The following ARHGEF6 variants were observed in gnomAD, a reference collection of about 807,000 sequenced individuals.
ARHGEF6 encodes the protein Rac/Cdc42 guanine nucleotide exchange factor 6, also known as rho guanine nucleotide exchange factor 6.
A neutral mutation model predicts 70.3 loss-of-function variants in ARHGEF6; 9 were observed. That is an observed-to-expected ratio of 0.13 (90% CI 0.08 to 0.22). ARHGEF6 has a LOEUF of 0.22. Among genes scored for constraint, ARHGEF6 ranks in the 10% least tolerant of loss-of-function variants. ARHGEF6 has a pLI of 1.00. For synonymous variants in ARHGEF6, 201 were observed against 207.8 expected (o/e 0.97, Z 0.28); for missense variants, 470 against 563.0 (o/e 0.83, Z 1.67).
In ARHGEF6 at chrX:136,708,769, G is replaced by T; in HGVS notation, c.829C>A (p.Leu277Met). 8.5e-7 allele frequency: 1 copy of T among 1,174,634 alleles called. No homozygotes were observed. The highest frequency in any genetic ancestry group is 1.8e-5 in the South Asian group (1 of 55,820). Residue 277 changes from leucine to methionine, a missense_variant and splice_region_variant, in exon 8 of 22, where the codon CTG becomes ATG. Physicochemically the swap from Leu to Met is conservative, Grantham distance 15. Coordinates refer to ENST00000250617, the MANE Select transcript of ARHGEF6 (RefSeq NM_004840.3). ...AAAGATGTAACCTCCACAGTACTCA[G>T]ACTGAAAAAAAAATACAGTACATGT... is the stretch of plus-strand genomic sequence containing the variant. ...YLRPLQSNNN[L>M]STVEVTSLLG...
At chrX:136,713,878 G>C (rs1454118511) in intron 6 of ARHGEF6, among the ~76,000 whole-genome samples, 2 of 112,078 alleles carry the variant, frequency 1.8e-5, no homozygotes, top group Non-Finnish European at 3.8e-5. Flanking sequence ...TTTTATGGAG[G>C]AGAAAATTGA....
intron 5 of ARHGEF6, among the ~76,000 whole-genome samples, chrX:136,736,201 C>T (rs1197348771): frequency 9.0e-6 from 1 of 111,439 alleles, no homozygotes; most frequent in African/African-American, 3.3e-5. Context: ...CATTATGTTG[C>T]CACTGTGCTA....
chrX:136,752,528 C>G (rs1213549192), intron 2 of ARHGEF6, among the ~76,000 whole-genome samples: 1 of 112,199 alleles, frequency 8.9e-6, no homozygotes, highest in Non-Finnish European at 1.9e-5. Flanking sequence ...CCTGAGTTAA[C>G]CAGTCACAGC....
intron 2 of ARHGEF6, among the ~76,000 whole-genome samples, chrX:136,778,246 T>C (rs990466505): frequency 2.7e-5 from 3 of 111,891 alleles, no homozygotes; most frequent in African/African-American, 9.8e-5. Flanking sequence ...TTAAGTAACA[T>C]GCCCAAGGTC....
intron 12 of ARHGEF6, among the ~76,000 whole-genome samples, chrX:136,684,634 T>C (rs956612805): frequency 9.0e-6 from 1 of 110,598 alleles, no homozygotes; most frequent in Non-Finnish European, 1.9e-5. Context: ...TCTCTGCCTC[T>C]AACTCTGACC....
chrX:136,761,594 C>T (rs1039012744), intron 2 of ARHGEF6, among the ~76,000 whole-genome samples: 3 of 112,493 alleles, frequency 2.7e-5, no homozygotes, highest in African/African-American at 6.4e-5. Flanking sequence ...GGATTAATTT[C>T]TGCTGTTAAG....
intron 2 of ARHGEF6, among the ~76,000 whole-genome samples, chrX:136,764,255 G>A (rs963727891): frequency 4.5e-5 from 5 of 111,484 alleles, no homozygotes; most frequent in Non-Finnish European, 9.4e-5. Flanking sequence ...ACCCTATGAC[G>A]TAGCAGTGAC....
chrX:136,727,407 CTCTCTCTT>C (rs1569411061), intron 6 of ARHGEF6, among the ~76,000 whole-genome samples: 17 of 89,562 alleles, frequency 1.9e-4, no homozygotes, highest in East Asian at 7.4e-4. Flanking sequence ...CTCTCTCTCT[CTCTCTCTT>C]TCTTTCTTTC....
In ARHGEF6 at chrX:136,682,988, A is replaced by G. The variant is rs2076348429; in HGVS notation, c.1393-144T>C. 1.4e-5 allele frequency: 7 copies of G among 486,264 alleles called. No individual in the cohort carries two copies. The South Asian group carries it at 2.3e-4, about 16-fold the overall frequency. 40.1% of individuals were successfully genotyped at this position (486,264 alleles called of 1,213,427 possible). On this transcript the variant is annotated intron_variant, in intron 12 of 21. Coordinates refer to ENST00000250617, the MANE Select transcript of ARHGEF6 (RefSeq NM_004840.3). ...AATTTTTTTTTTAAAAAAGATACCC[A>G]ACTTGAAAACACAAAACTAGTTGAA...
chrX:136,667,528 G>C lies in ARHGEF6; in HGVS notation c.*501C>G, dbSNP rs2076172919. ...CCATAGTCTGGAAGATTTGCCTTCG[G>C]TAAATTAAGTACTAAGAGGCTTGCA... On this transcript the variant is annotated 3_prime_UTR_variant, in exon 22 of 22. Transcript: ENST00000250617. The C allele has an allele frequency of 1.6e-5, 2 of 123,552 alleles. No individual in the cohort carries two copies. 10.2% of individuals were successfully genotyped at this position (123,552 alleles called of 1,213,427 possible). A position where few individuals can be genotyped will look rare whatever the true frequency, so the allele number is the denominator to read the frequency against.
At chrX:136,745,897 T>C (rs1435407717) in intron 3 of ARHGEF6, among the ~76,000 whole-genome samples, 1 of 111,772 alleles carries the variant, frequency 8.9e-6, no homozygotes, top group African/African-American at 3.3e-5. Flanking sequence ...ATAATTTTTT[T>C]AACAATCAGA....
chrX:136,686,005 G>A (rs1253367687), intron 11 of ARHGEF6, among the ~76,000 whole-genome samples, 182 bp from the exon 12 acceptor site: 1 of 112,032 alleles, frequency 8.9e-6, no homozygotes, highest in Non-Finnish European at 1.9e-5. Flanking sequence ...AAATCTCTAG[G>A]CTTGAGCCCC....
chrX:136,745,384 T>C (rs752185974), intron 3 of ARHGEF6, 37 bp from the exon 4 acceptor site: 17 of 1,205,663 alleles, frequency 1.4e-5, no homozygotes, highest in Non-Finnish European at 1.9e-5. Flanking sequence ...AAGGAACCAC[T>C]CAGATCAGAA....
At chrX:136,729,009 T>G (rs2076900792) in intron 6 of ARHGEF6, among the ~76,000 whole-genome samples, 2 of 42,304 alleles carry the variant, frequency 4.7e-5, no homozygotes, top group Non-Finnish European at 7.6e-5. Context: ...ATTCTCTCTC[T>G]CTCTCTCTCT....
intron 2 of ARHGEF6, among the ~76,000 whole-genome samples, chrX:136,777,422 T>TAA (rs56694000): frequency 2.8e-4 from 29 of 103,330 alleles, no homozygotes; most frequent in African/African-American, 7.4e-4. Context: ...TGGCCACAAT[T>TAA]AAAAAAAAAA....
chrX:136,767,428 C>G, intron 2 of ARHGEF6: 1 of 755,292 alleles, frequency 1.3e-6, no homozygotes, highest in Non-Finnish European at 1.6e-6. Flanking sequence ...GCGCCCGTCT[C>G]CAAACTCTGT....
Position 136,667,758 on chromosome X carries a change from G to A in ARHGEF6, c.*271C>T, listed in dbSNP as rs2076175198. The A allele has an allele frequency of 2.6e-6, 1 of 390,864 alleles. No individual in the cohort carries two copies. Among genetic ancestry groups the A allele is most frequent in the Admixed American group, 4.3e-5 (1 of 23,132 alleles). 32.2% of individuals were successfully genotyped at this position (390,864 alleles called of 1,213,427 possible). On this transcript the variant is annotated 3_prime_UTR_variant, in exon 22 of 22. Transcript: ENST00000250617. ...CTTACTGAATGGAAAAGACTCTGAG[G>A]CCATCTCTACCACCACTTCCTGCTT...
At chrX:136,701,866 C>T (rs2076578100) in intron 9 of ARHGEF6, among the ~76,000 whole-genome samples, 1 of 108,461 alleles carries the variant, frequency 9.2e-6, no homozygotes, top group Admixed American at 9.8e-5. Flanking sequence ...CACCACCACG[C>T]CCGGCTAATT....
Position 136,685,696 on chromosome X carries a change from A to G in ARHGEF6, c.1373T>C (p.Val458Ala), listed in dbSNP as rs1481570865. The change falls in exon 12 of 22, where the codon GTG becomes GCG. Residue 458 changes from valine (V) to alanine (A), a missense_variant. This residue lies in a region of ARHGEF6 where 379 missense variants were observed against 449.3 expected (regional missense o/e 0.84). Coordinates refer to ENST00000250617, the MANE Select transcript of ARHGEF6 (RefSeq NM_004840.3). ...CCTTACCTCACATGCTCCATACTGC[A>G]CCATTACTTGTGACATAAAAATCAC... ...GNVIFMSQVM[V>A]QYGACEEKEE... The G allele has an allele frequency of 2.5e-6, 3 of 1,208,029 alleles. No homozygotes were observed. Among genetic ancestry groups the G allele is most frequent in the Admixed American group, 2.2e-5 (1 of 45,630 alleles).
Sources: allele counts gnomAD v4.1 joint callset (sites outside exome capture counted in the v4.1 genomes callset), GRCh38; gene constraint gnomAD v4.1.1; regional missense constraint gnomAD v4.1.1; transcripts MANE v1.5; gene names NCBI Gene and HGNC (gene_info 2026-07-23, HGNC 2026-07-21).